Variants in PTPRU observed in about 807,000 individuals in gnomAD.
PTPRU encodes protein tyrosine phosphatase receptor type U.
A neutral mutation model predicts 166.3 loss-of-function variants in PTPRU; 69 were observed. The observed-to-expected ratio is 0.41, with a 90% CI of 0.34 to 0.51. PTPRU has a LOEUF of 0.51. Ranked by LOEUF, PTPRU falls within the 20% of genes least tolerant of loss-of-function variation. The pLI is 0.09. For synonymous variants in PTPRU, 793 were observed against 814.0 expected (o/e 0.97, Z 0.44); for missense variants, 1,657 against 2,013.7 (o/e 0.82, Z 3.39).
chr1:29,275,824 A>G (rs1437838481), intron 8 of PTPRU, 68 bp downstream of exon 8: 3 of 1,516,294 alleles, frequency 2.0e-6, no homozygotes, highest in African/African-American at 1.4e-5. Context: ...TCTGAGACTG[A>G]AATTTACTGA....
intron 26 of PTPRU, chr1:29,323,105 C>T: frequency 4.6e-6 from 2 of 431,776 alleles, no homozygotes; most frequent in South Asian, 2.5e-5. Flanking sequence ...AGCTGCACAG[C>T]AGTAGGCATC....
intron 7 of PTPRU, among the ~76,000 whole-genome samples, chr1:29,263,241 T>G (rs1170763210): frequency 2.6e-5 from 4 of 152,316 alleles, no homozygotes; most frequent in African/African-American, 9.6e-5. Context: ...TGCCTTAGCC[T>G]CCCAAAGTGC....
At chr1:29,304,622 G>A (rs531548519) in intron 16 of PTPRU, 152 bp from the exon 17 acceptor site, 10 of 546,076 alleles carry the variant, frequency 1.8e-5, no homozygotes, top group Non-Finnish European at 3.3e-5. Flanking sequence ...AGGACCCACA[G>A]TGACACAGTG....
chr1:29,269,688 A>G (rs1038091502), intron 7 of PTPRU, among the ~76,000 whole-genome samples: 3 of 152,072 alleles, frequency 2.0e-5, no homozygotes. Context: ...CCCTCGCACT[A>G]TATTATTTAC....
At chr1:29,262,697 A>G (rs1574628586) in intron 7 of PTPRU, among the ~76,000 whole-genome samples, 1 of 152,238 alleles carries the variant, frequency 6.6e-6, no homozygotes, top group Admixed American at 6.5e-5. Context: ...TGTCCCCTGC[A>G]GATATGGGGG....
chr1:29,313,348 C>T (rs971616955), intron 22 of PTPRU, among the ~76,000 whole-genome samples: 13 of 152,146 alleles, frequency 8.5e-5, no homozygotes, highest in African/African-American at 3.1e-4. Flanking sequence ...CTTATCAGCT[C>T]CCCAAATGCC....
Position 29,325,758 on chromosome 1 carries a change from C to G in PTPRU, c.*97C>G. The G allele has an allele frequency of 7.6e-7, 1 of 1,308,732 alleles. No homozygotes were observed. Among genetic ancestry groups the G allele is most frequent in the South Asian group, 1.4e-5 (1 of 71,064 alleles). 81.1% of individuals were successfully genotyped at this position (1,308,732 alleles called of 1,614,324 possible). ...CAGTGCCTCCTGCTCTGCCCAAACA[C>G]ACTCCCATGGGGCAAGCACTGGAGT... On this transcript the variant is annotated 3_prime_UTR_variant, in exon 30 of 30. Coordinates refer to ENST00000373779, the MANE Select transcript of PTPRU (RefSeq NM_133178.4).
In PTPRU at chr1:29,280,128, G is replaced by A. The variant is rs1283282681; in HGVS notation, c.1855G>A (p.Gly619Ser). 3.1e-6 allele frequency: 5 copies of A among 1,612,198 alleles called. No homozygotes were observed. Among genetic ancestry groups the A allele is most frequent in the Non-Finnish European group, 3.4e-6 (4 of 1,179,096 alleles). The stretch of plus-strand genomic sequence containing the variant: ...GCTGCTGAGGCCGGCACAGGGCCGC[G>A]GTGCGCCCATCAGGTGGGAAAGCGG... ...TVLLRPAQGRGAPISVYQVIV... is the reference protein window; with the variant it reads ...TVLLRPAQGRSAPISVYQVIV... The change falls in exon 11 of 30, where the codon GGT (glycine) becomes AGT (serine). Residue 619 changes from glycine (G) to serine (S), a missense_variant. Around this residue, in one of 3 missense-constraint regions of PTPRU, gnomAD observed 1,190 missense variants for 1,477.4 expected, o/e 0.81. Transcript: ENST00000373779. This position sits in a 1 kb window ranked among gnomAD's most constrained non-coding sequence, Gnocchi z 4.2.
chr1:29,263,114 A>G (rs1257178530), intron 7 of PTPRU, among the ~76,000 whole-genome samples: 1 of 152,180 alleles, frequency 6.6e-6, no homozygotes, highest in African/African-American at 2.4e-5. Flanking sequence ...CCTCCTGAGT[A>G]GCTGAGACTA....
intron 1 of PTPRU, among the ~76,000 whole-genome samples, chr1:29,247,272 G>A (rs1273721974): frequency 6.6e-6 from 1 of 152,268 alleles, no homozygotes; most frequent in African/African-American, 2.4e-5. Flanking sequence ...GGTGTGCCTT[G>A]TGCAGCTCTG....
intron 7 of PTPRU, among the ~76,000 whole-genome samples, chr1:29,262,131 T>A (rs1170828995): frequency 6.6e-6 from 1 of 152,238 alleles, no homozygotes; most frequent in Non-Finnish European, 1.5e-5. Context: ...TACTGAATAG[T>A]TCAATCCCCT....
chr1:29,311,386 G>T lies in PTPRU; in HGVS notation c.2858-70G>T. On this transcript the variant is annotated intron_variant, in intron 19 of 29. Transcript: ENST00000373779. This position sits in a 1 kb window ranked among gnomAD's most constrained non-coding sequence, Gnocchi z 4.1. The stretch of plus-strand genomic sequence containing the variant: ...CCTGGCCTGGGGTGTGGTGCTGGAT[G>T]GTGCTGGATGTGCTGACCTGGGGTG... 4 of 1,476,794 alleles carry T rather than the reference G, an allele frequency of 2.7e-6. No homozygotes were observed. Among genetic ancestry groups the T allele is most frequent in the Non-Finnish European group, 3.8e-6 (4 of 1,064,864 alleles). The allele number at this position is 1,476,794 out of a possible 1,614,324, so 91.5% of individuals were successfully genotyped here.
chr1:29,307,667 C>T (rs1223138704), intron 18 of PTPRU, among the ~76,000 whole-genome samples: 2 of 152,206 alleles, frequency 1.3e-5, no homozygotes, highest in African/African-American at 2.4e-5. Context: ...AACTCAACCC[C>T]GACCATTTTA....
At chr1:29,312,781 C>T (rs1227825374) in intron 22 of PTPRU, 75 bp downstream of exon 22, 2 of 1,507,448 alleles carry the variant, frequency 1.3e-6, no homozygotes, top group Admixed American at 2.0e-5. Flanking sequence ...CAGGTTGGTT[C>T]AGGATCTGTA....
intron 7 of PTPRU, among the ~76,000 whole-genome samples, chr1:29,263,132 C>G (rs576762647): frequency 6.6e-6 from 1 of 152,246 alleles, no homozygotes; most frequent in Admixed American, 6.5e-5. Flanking sequence ...CTACAGGCAC[C>G]CACCACCATG....
rs1332828932 is a variant in PTPRU at position 29,284,725 on chromosome 1, C to G, written c.2180-6C>G. 1 of 1,614,020 alleles carries G rather than the reference C, an allele frequency of 6.2e-7. No homozygotes were observed. The highest frequency in any genetic ancestry group is 1.1e-5 in the South Asian group (1 of 91,074). On this transcript the variant is annotated splice_polypyrimidine_tract_variant and splice_region_variant and intron_variant, in intron 13 of 29. Transcript: ENST00000373779. The stretch of plus-strand genomic sequence containing the variant: ...CTGATCCCTTGTTCTGCTTTGTTCT[C>G]CCCAGCTGCCTGCAAGGAAAGCAAG...
rs112249703 is a variant in PTPRU at position 29,323,987 on chromosome 1, A to G, written c.4112+199A>G. On this transcript the variant is annotated intron_variant, in intron 28 of 29. Transcript: ENST00000373779. ...AATCCAGTGAGTTTCCAGGCTATAGACTCAGCCCTGAACAACTGCCCAGTA... is the reference window on the plus strand; with the variant it reads ...AATCCAGTGAGTTTCCAGGCTATAGGCTCAGCCCTGAACAACTGCCCAGTA... Among the ~76,000 whole-genome samples, 1,467 of 152,212 alleles carry G rather than the reference A, an allele frequency of 9.6e-3. 14 individuals are homozygous for G. The highest frequency in any genetic ancestry group is 0.018 in the Admixed American group (277 of 15,306).
chr1:29,320,825 G>A lies in PTPRU; in HGVS notation c.3828G>A (p.Trp1276Ter). The A allele has an allele frequency of 1.9e-6, 3 of 1,573,682 alleles. No homozygotes were observed. The highest frequency in any genetic ancestry group is 2.6e-6 in the Non-Finnish European group (3 of 1,151,672). The change falls in exon 26 of 30, where the codon TGG (tryptophan) becomes TGA (stop). Residue 1276 changes from tryptophan (W) to a stop codon, truncating the protein, a stop_gained and splice_region_variant. Coordinates refer to ENST00000373779, the MANE Select transcript of PTPRU (RefSeq NM_133178.4). LOFTEE classifies it high-confidence loss of function. This position sits in a 1 kb window ranked among gnomAD's most constrained non-coding sequence, Gnocchi z 5.2. ...LNQLNQSNSA[W>*]PCLQYWPEPG... ...AGCTGAACCAGTCCAACTCCGCCTG[G>A]GTGAGGCCTCCACTGGCCAGGCCAA...
chr1:29,251,326 C>G (rs1290948234), intron 1 of PTPRU, among the ~76,000 whole-genome samples: 1 of 151,720 alleles, frequency 6.6e-6, no homozygotes, highest in African/African-American at 2.4e-5. Flanking sequence ...CCTTGGAGGT[C>G]ACCTTGGCCG....
Sources: allele counts gnomAD v4.1 joint callset (sites outside exome capture counted in the v4.1 genomes callset), GRCh38; gene constraint gnomAD v4.1.1; regional missense constraint gnomAD v4.1.1; non-coding constraint Gnocchi (gnomAD v3.1); transcripts MANE v1.5; gene names NCBI Gene and HGNC (gene_info 2026-07-23, HGNC 2026-07-21).